The following DISC1 variants were observed in gnomAD, a reference collection of about 807,000 sequenced individuals.
The protein encoded by DISC1 is disrupted in schizophrenia 1 protein.
Under a neutral mutation model 84.5 loss-of-function variants are expected in DISC1, and 57 were observed. The ratio of observed to expected loss-of-function variants is 0.67; its 90% CI spans 0.55 to 0.84. The LOEUF (loss-of-function observed/expected upper bound fraction) is 0.84. Ranked by LOEUF, DISC1 falls within the 40% of genes least tolerant of loss-of-function variation. DISC1 has a pLI of 0.00. For missense variants in DISC1, 1,000 were observed against 1,057.8 expected (o/e 0.95, Z 0.76); for synonymous variants, 411 against 415.2 (o/e 0.99, Z 0.12).
chr1:232,013,904 A>G (rs1027148994), intron 11 of DISC1, among the ~76,000 whole-genome samples: 1 of 152,092 alleles, frequency 6.6e-6, no homozygotes, highest in Non-Finnish European at 1.5e-5. Context: ...TCTGGTTTCT[A>G]TGGCTTGCAT....
intron 9 of DISC1, among the ~76,000 whole-genome samples, chr1:231,906,358 G>A (rs924636156): frequency 2.0e-5 from 3 of 152,182 alleles, no homozygotes; most frequent in Admixed American, 2.0e-4. Flanking sequence ...CAGTGAGAGA[G>A]ACGTAAGTAC....
chr1:231,839,461 G>A (rs1396377765), intron 9 of DISC1, among the ~76,000 whole-genome samples: 1 of 152,210 alleles, frequency 6.6e-6, no homozygotes. Context: ...ACTGAAGGGT[G>A]TAAGAGTGAG....
intron 9 of DISC1, among the ~76,000 whole-genome samples, chr1:231,913,581 G>A (rs2126061346): frequency 6.6e-6 from 1 of 151,350 alleles, no homozygotes; most frequent in East Asian, 1.9e-4. Context: ...GGCACCTGAG[G>A]GTGATAGCCT....
At chr1:231,956,118 A>G (rs1471318084) in intron 9 of DISC1, among the ~76,000 whole-genome samples, 1 of 152,198 alleles carries the variant, frequency 6.6e-6, no homozygotes, top group Admixed American at 6.5e-5. Flanking sequence ...AAGGAATGCT[A>G]CACAGAGGCC....
At chr1:232,018,767 C>CT (rs1279828508) in intron 11 of DISC1, among the ~76,000 whole-genome samples, 1 of 152,148 alleles carries the variant, frequency 6.6e-6, no homozygotes, top group East Asian at 1.9e-4. Flanking sequence ...GATGGTAGGG[C>CT]TTTATTGGAG....
Position 231,698,894 on chromosome 1 carries a change from C to T in DISC1, c.1048-3061C>T, listed in dbSNP as rs1184579776. On this transcript the variant is annotated intron_variant, in intron 2 of 12. Transcript: ENST00000439617. This position sits in a 1 kb window ranked among gnomAD's most constrained non-coding sequence, Gnocchi z 4.9. ...AGACAAAGGGGTTAATATGATTATT[C>T]ATTCATTCTTTCATTCATTCAGAAA... Among the ~76,000 whole-genome samples the T allele has an allele frequency of 6.6e-6, 1 of 152,082 alleles. No homozygotes were observed. The highest frequency in any genetic ancestry group is 2.4e-5 in the African/African-American group (1 of 41,378).
At chr1:231,705,426 G>A (rs1003048575) in intron 3 of DISC1, among the ~76,000 whole-genome samples, 3 of 151,642 alleles carry the variant, frequency 2.0e-5, no homozygotes, top group East Asian at 1.9e-4. Context: ...GGAGGAGGAG[G>A]CAGTTTAGAT....
At chr1:231,876,743 T>A (rs560213056) in intron 9 of DISC1, among the ~76,000 whole-genome samples, 1 of 152,376 alleles carries the variant, frequency 6.6e-6, no homozygotes, top group African/African-American at 2.4e-5. Flanking sequence ...CATAGCAGGC[T>A]GTCTCTGAAG....
At chr1:231,871,739 T>C (rs1403385187) in intron 9 of DISC1, among the ~76,000 whole-genome samples, 2 of 152,124 alleles carry the variant, frequency 1.3e-5, no homozygotes, top group Non-Finnish European at 2.9e-5. Flanking sequence ...TCTATAATGT[T>C]TGAATTTGCC....
chr1:231,917,694 A>C (rs2089735916), intron 9 of DISC1, among the ~76,000 whole-genome samples: 1 of 152,176 alleles, frequency 6.6e-6, no homozygotes, highest in Non-Finnish European at 1.5e-5. Flanking sequence ...TGGGGCGAGC[A>C]TGGCAGCTGA....
At chr1:231,916,191 C>A (rs199517799) in intron 9 of DISC1, among the ~76,000 whole-genome samples, 2 of 152,144 alleles carry the variant, frequency 1.3e-5, no homozygotes, top group East Asian at 3.9e-4. Flanking sequence ...GTAGCATCAA[C>A]GGGTCAGAAT....
At chr1:231,634,726 A>G (rs2125117348) in intron 1 of DISC1, among the ~76,000 whole-genome samples, 1 of 152,268 alleles carries the variant, frequency 6.6e-6, no homozygotes, top group Non-Finnish European at 1.5e-5. Context: ...TATACACAGT[A>G]CAGTGTTGTA....
At chr1:231,959,032 C>G in intron 10 of DISC1, 144 bp downstream of exon 10, 1 of 1,429,392 alleles carries the variant, frequency 7.0e-7, no homozygotes, top group Non-Finnish European at 9.1e-7. Context: ...CTTTTGAACC[C>G]CATCAGTGAA....
At chr1:231,905,121 A>C (rs947766134) in intron 9 of DISC1, among the ~76,000 whole-genome samples, 1 of 152,188 alleles carries the variant, frequency 6.6e-6, no homozygotes, top group Non-Finnish European at 1.5e-5. Context: ...CAAATTATCA[A>C]CGTTATCATC....
chr1:231,656,947 T>A (rs531195467), intron 1 of DISC1, among the ~76,000 whole-genome samples: 16 of 152,348 alleles, frequency 1.1e-4, no homozygotes, highest in Admixed American at 2.6e-4. Context: ...TCCATCCATA[T>A]CCCTGCAAAG....
intron 10 of DISC1, among the ~76,000 whole-genome samples, chr1:232,006,884 GC>G (rs1418574156): frequency 6.6e-6 from 1 of 152,154 alleles, no homozygotes; most frequent in Non-Finnish European, 1.5e-5. Context: ...TGTAGGCTGT[GC>G]CCAGGGCCTT....
intron 9 of DISC1, chr1:231,866,374 A>G (rs1046539595): frequency 1.2e-5 from 7 of 587,556 alleles, no homozygotes; most frequent in Non-Finnish European, 1.8e-5. Context: ...GGATTTAATT[A>G]TCTCTGAAGT....
intron 10 of DISC1, among the ~76,000 whole-genome samples, chr1:231,986,310 T>A (rs541218852): frequency 2.2e-4 from 33 of 152,282 alleles, no homozygotes; most frequent in African/African-American, 7.5e-4. Flanking sequence ...AGATATTCTA[T>A]TGGGAATTCA....
intron 9 of DISC1, among the ~76,000 whole-genome samples, chr1:231,924,143 A>G (rs1558739381): frequency 6.6e-6 from 1 of 152,226 alleles, no homozygotes; most frequent in African/African-American, 2.4e-5. Flanking sequence ...AGTGAAAAAG[A>G]TGAACTTTTT....
Sources: allele counts gnomAD v4.1 joint callset (sites outside exome capture counted in the v4.1 genomes callset), GRCh38; gene constraint gnomAD v4.1.1; non-coding constraint Gnocchi (gnomAD v3.1); transcripts MANE v1.5; gene names NCBI Gene and HGNC (gene_info 2026-07-23, HGNC 2026-07-21).